FGF12: variants seen among roughly 807,000 people sequenced by gnomAD.
FGF12 encodes fibroblast growth factor 12B.
A neutral mutation model predicts 23.6 loss-of-function variants in FGF12; 14 were observed. That is an observed-to-expected ratio of 0.59 (90% confidence interval 0.39 to 0.93). The LOEUF (loss-of-function observed/expected upper bound fraction) is 0.93. Ranked by LOEUF, FGF12 falls within the 40% of genes least tolerant of loss-of-function variation. The pLI, the probability that FGF12 is intolerant of heterozygous loss-of-function variation, is 0.00. For synonymous variants in FGF12, 62 were observed against 77.3 expected (o/e 0.80, Z 1.04); for missense variants, 175 against 217.8 (o/e 0.80, Z 1.24).
At chr3:192,571,309 C>A (rs1712623670) in intron 2 of FGF12, among the ~76,000 whole-genome samples, 1 of 152,090 alleles carries the variant, frequency 6.6e-6, no homozygotes, top group African/African-American at 2.4e-5. Context: ...GAAATCTGCC[C>A]CCTAAAAAAC....
At chr3:192,424,104 T>A (rs1257187149) in intron 2 of FGF12, among the ~76,000 whole-genome samples, 1 of 152,102 alleles carries the variant, frequency 6.6e-6, no homozygotes, top group Non-Finnish European at 1.5e-5. Flanking sequence ...AAAAGACTAT[T>A]AATGCTTTCC....
intron 2 of FGF12, among the ~76,000 whole-genome samples, chr3:192,445,224 T>G (rs1375597825): frequency 6.6e-6 from 1 of 152,120 alleles, no homozygotes; most frequent in African/African-American, 2.4e-5. Flanking sequence ...TAACCTATAC[T>G]TTTTTGTTGT....
At chr3:192,633,077 G>T (rs140365701) in intron 2 of FGF12, among the ~76,000 whole-genome samples, 1 of 151,964 alleles carries the variant, frequency 6.6e-6, no homozygotes, top group Non-Finnish European at 1.5e-5. Context: ...GCAGAGTCTC[G>T]CCCTGTTGCC....
chr3:192,311,488 T>C (rs1715932254), intron 4 of FGF12, among the ~76,000 whole-genome samples: 1 of 152,246 alleles, frequency 6.6e-6, no homozygotes, highest in African/African-American at 2.4e-5. Context: ...CTGCTTTTTG[T>C]TGCCAAATAA....
At chr3:192,394,624 A>G (rs1326835144) in intron 2 of FGF12, among the ~76,000 whole-genome samples, 2 of 152,164 alleles carry the variant, frequency 1.3e-5, no homozygotes, top group African/African-American at 4.8e-5. Context: ...TGAAGAGAAG[A>G]AAAATGACTT....
At chr3:192,554,180 T>C (rs999151826) in intron 2 of FGF12, among the ~76,000 whole-genome samples, 1 of 152,194 alleles carries the variant, frequency 6.6e-6, no homozygotes, top group African/African-American at 2.4e-5. Flanking sequence ...CTGCTACTGA[T>C]AACATACAAC....
chr3:192,408,374 G>A lies in FGF12; in HGVS notation c.14-47836C>T. ...GAGGAGGCTGCAGTATCGAAAACCCGGCGCTCACAAGGTTAGTCAAAGTCT... is the reference window on the plus strand; with the variant it reads ...GAGGAGGCTGCAGTATCGAAAACCCAGCGCTCACAAGGTTAGTCAAAGTCT... On this transcript the variant is annotated intron_variant, in intron 2 of 5. Transcript: ENST00000445105. This position sits in a 1 kb window ranked among gnomAD's most constrained non-coding sequence, Gnocchi z 7.3. The A allele has an allele frequency of 6.3e-6, 9 of 1,419,882 alleles. 1 individual carries two copies. In the South Asian group the frequency reaches 1.2e-4, roughly 19 times the overall value. The allele number at this position is 1,419,882 out of a possible 1,614,324, so 88.0% of individuals were successfully genotyped here.
In FGF12 at chr3:192,672,966, A is replaced by T. The variant is rs771545257; in HGVS notation, c.13+54215T>A. ...TCCAATCCAAAAGGCAATAAAAGAA[A>T]TGCATAAGAAAGGTGCAGCTGTAGT... On this transcript the variant is annotated intron_variant, in intron 2 of 5. Coordinates refer to ENST00000445105, the MANE Select transcript of FGF12 (RefSeq NM_004113.6). 4 of 151,090 alleles carry T rather than the reference A, an allele frequency of 2.6e-5. 1 individual carries two copies. Among genetic ancestry groups the T allele is most frequent in the Non-Finnish European group, 1.5e-5 (1 of 67,500 alleles). The allele number at this position is 151,090 out of a possible 1,614,324, so 9.4% of individuals were successfully genotyped here.
rs549734672 is a variant in FGF12, at chr3:192,442,116, C to T, written c.14-81578G>A. Among the ~76,000 whole-genome samples the T allele has an allele frequency of 9.9e-5, 15 of 152,262 alleles. No individual in the cohort carries two copies. In the East Asian group the frequency reaches 2.7e-3, roughly 27 times the overall value. On this transcript the variant is annotated intron_variant, in intron 2 of 5. Coordinates refer to ENST00000445105, the MANE Select transcript of FGF12 (RefSeq NM_004113.6). The stretch of plus-strand genomic sequence containing the variant: ...CCAACTAGAGACAGAGGACAGAGGA[C>T]CTGTAGTGCAAAATAAACTGCCAGA...
intron 5 of FGF12, among the ~76,000 whole-genome samples, chr3:192,155,924 C>T (rs1577181913): frequency 6.6e-6 from 1 of 152,286 alleles, no homozygotes; most frequent in East Asian, 1.9e-4. Flanking sequence ...CAGAAAGATT[C>T]CTAGTCCCTT....
intron 2 of FGF12, among the ~76,000 whole-genome samples, chr3:192,410,132 CG>C (rs1486732396): frequency 6.6e-6 from 1 of 152,080 alleles, no homozygotes; most frequent in African/African-American, 2.4e-5. Context: ...CGCCGACCCA[CG>C]GAAGAGCGAA....
rs918130386 is a variant in FGF12, at chr3:192,336,140, T to C, written c.125-676A>G. Among the ~76,000 whole-genome samples the C allele has an allele frequency of 2.2e-3, 288 of 133,020 alleles. No homozygotes were observed. The highest frequency in any genetic ancestry group is 4.0e-3 in the Middle Eastern group (1 of 248). 87.3% of individuals were successfully genotyped at this position (133,020 alleles called of 152,430 possible). ...ACACACACACACACACACACACATATACACACATATATACATACTATATAT... is the reference window on the plus strand; with the variant it reads ...ACACACACACACACACACACACATACACACACATATATACATACTATATAT... On this transcript the variant is annotated intron_variant, in intron 3 of 5. Coordinates refer to ENST00000445105, the MANE Select transcript of FGF12 (RefSeq NM_004113.6). The surrounding 1 kb of genome is among the most constrained non-coding windows in gnomAD (Gnocchi z 4.3).
At chr3:192,413,547 C>T (rs1254485720) in intron 2 of FGF12, among the ~76,000 whole-genome samples, 2 of 152,100 alleles carry the variant, frequency 1.3e-5, no homozygotes, top group South Asian at 4.1e-4. Flanking sequence ...AAATTAAGTC[C>T]CTGCCATAAA....
At chr3:192,316,674 C>A (rs1716242291) in intron 4 of FGF12, among the ~76,000 whole-genome samples, 1 of 152,176 alleles carries the variant, frequency 6.6e-6, no homozygotes. Context: ...GCCTAGACAA[C>A]AAAGCCTGCA....
chr3:192,197,920 TG>T (rs2108657460), intron 4 of FGF12, among the ~76,000 whole-genome samples: 1 of 107,122 alleles, frequency 9.3e-6, no homozygotes, highest in East Asian at 2.8e-4. Context: ...CACTCCAGCC[TG>T]GGGAACAAAA....
At chr3:192,604,817 C>G (rs1303669880) in intron 2 of FGF12, among the ~76,000 whole-genome samples, 3 of 152,130 alleles carry the variant, frequency 2.0e-5, no homozygotes, top group Non-Finnish European at 4.4e-5. Context: ...TGCTATAAGG[C>G]TATAGTAACT....
At chr3:192,710,924 G>A (rs1443119659) in intron 2 of FGF12, among the ~76,000 whole-genome samples, 1 of 152,120 alleles carries the variant, frequency 6.6e-6, no homozygotes, top group African/African-American at 2.4e-5. Flanking sequence ...TCTTCTTTGA[G>A]GAATCTTGGA....
chr3:192,466,673 G>T lies in FGF12; in HGVS notation c.14-106135C>A, dbSNP rs368397738. On this transcript the variant is annotated intron_variant, in intron 2 of 5. Transcript: ENST00000445105. ...TTTTACCTTAATTTTCTTAGTTAATGTTGGCAAATTTCCTGTGAGGAAGCT... is the reference window on the plus strand; with the variant it reads ...TTTTACCTTAATTTTCTTAGTTAATTTTGGCAAATTTCCTGTGAGGAAGCT... 5.6e-3 allele frequency among the ~76,000 whole-genome samples: 855 copies of T among 152,246 alleles called. 8 individuals are homozygous for T. The highest frequency in any genetic ancestry group is 0.02 in the African/African-American group (813 of 41,532).
intron 4 of FGF12, among the ~76,000 whole-genome samples, chr3:192,305,692 A>ATATG (rs1553794703): frequency 6.8e-6 from 1 of 146,398 alleles, no homozygotes; most frequent in Non-Finnish European, 1.5e-5. Flanking sequence ...ATATATATAT[A>ATATG]TATAAATATA....
Sources: gnomAD v4.1 joint callset for allele counts (sites outside exome capture counted in the v4.1 genomes callset) on GRCh38, gnomAD v4.1.1 for gene constraint, Gnocchi (gnomAD v3.1) non-coding constraint, MANE v1.5 for transcripts, NCBI Gene and HGNC (gene_info 2026-07-23, HGNC 2026-07-21) for gene names.